RECQL5: variants seen among roughly 807,000 people sequenced by gnomAD.
RECQL5 encodes the protein ATP-dependent DNA helicase Q5.
RECQL5 carries 88 observed loss-of-function variants against 103.4 expected under a neutral mutation model. The ratio of observed to expected loss-of-function variants is 0.85; its 90% confidence interval spans 0.72 to 1.02. The LOEUF is 1.02. Ranked by LOEUF, RECQL5 falls within the 50% of genes least tolerant of loss-of-function variation. RECQL5 has a pLI of 0.00. For missense variants in RECQL5, 1,232 were observed against 1,284.3 expected (o/e 0.96, Z 0.62); for synonymous variants, 552 against 507.9 (o/e 1.09, Z -1.17).
rs752978198 is a variant in RECQL5 at position 75,630,970 on chromosome 17, T to C, written c.1585+4A>G. 2 of 1,613,746 alleles carry C rather than the reference T, an allele frequency of 1.2e-6. No individual in the cohort carries two copies. Among genetic ancestry groups the C allele is most frequent in the South Asian group, 1.1e-5 (1 of 91,004 alleles). On this transcript the variant is annotated splice_donor_region_variant and intron_variant, in intron 11 of 19. Coordinates refer to ENST00000317905, the MANE Select transcript of RECQL5 (RefSeq NM_004259.7). The stretch of plus-strand genomic sequence containing the variant: ...CAAGCCTCCAGGAACATTTCTGTAC[T>C]GACCTGGGGGTACAAATTCTTCTAT...
chr17:75,634,051 A>G (rs1225699097), intron 8 of RECQL5: 17 of 985,450 alleles, frequency 1.7e-5, no homozygotes, highest in Non-Finnish European at 1.9e-5. Flanking sequence ...AACAACAAAA[A>G]AGCCAGGCAG....
intron 12 of RECQL5, 37 bp from the exon 13 acceptor site, chr17:75,630,729 C>A (rs200544497): frequency 1.9e-6 from 3 of 1,601,572 alleles, no homozygotes; most frequent in East Asian, 2.3e-5. Context: ...CATGGCCTCG[C>A]GGCTGGGGGA....
chr17:75,633,492 G>A (rs760008329), intron 8 of RECQL5: 7 of 1,289,002 alleles, frequency 5.4e-6, no homozygotes, highest in Middle Eastern at 2.1e-4. Context: ...TGCCGGGCGC[G>A]CAGGCCACTC....
chr17:75,631,258 A>G lies in RECQL5; in HGVS notation c.1449-9T>C, dbSNP rs200517440. ...CAGAACCTTCGTCATACCTAGGGAC[A>G]GGCCAGGCGTGAGTGGCCCTGGCCT... On this transcript the variant is annotated splice_polypyrimidine_tract_variant and intron_variant, in intron 9 of 19. Transcript: ENST00000317905. 7 of 1,613,212 alleles carry G rather than the reference A, an allele frequency of 4.3e-6. No homozygotes were observed. The African/African-American group carries it at 6.7e-5, about 15-fold the overall frequency.
At chr17:75,648,339 A>T (rs572077916) in intron 8 of RECQL5, among the ~76,000 whole-genome samples, 1 of 151,962 alleles carries the variant, frequency 6.6e-6, no homozygotes, top group Admixed American at 6.6e-5. Flanking sequence ...TATACTCTCG[A>T]AACACCATTT....
At chr17:75,652,698 G>C (rs1384966540) in intron 7 of RECQL5, 1 of 152,484 alleles carries the variant, frequency 6.6e-6, no homozygotes, top group Non-Finnish European at 1.5e-5. Flanking sequence ...GAAGCGCTGA[G>C]GCCTGGCTCC....
intron 13 of RECQL5, 140 bp downstream of exon 13, chr17:75,630,479 T>C: frequency 1.0e-6 from 1 of 993,960 alleles, no homozygotes; most frequent in Non-Finnish European, 1.5e-6. Context: ...CCTGGTGGGG[T>C]TGTAGGGGCA....
In RECQL5 at chr17:75,630,847, G is replaced by A. The variant is rs770972526; in HGVS notation, c.1586-10C>T. ...AGGGGACAGTTCTCATCTGTGGGGGGGGGGGGTGGTCCTTGGTCCTTTCGC... is the reference window on the plus strand; with the variant it reads ...AGGGGACAGTTCTCATCTGTGGGGGAGGGGGGTGGTCCTTGGTCCTTTCGC... On this transcript the variant is annotated splice_polypyrimidine_tract_variant and intron_variant, in intron 11 of 19. Coordinates refer to ENST00000317905, the MANE Select transcript of RECQL5 (RefSeq NM_004259.7). The A allele has an allele frequency of 8.2e-6, 12 of 1,458,002 alleles. No individual in the cohort carries two copies. The Admixed American group carries it at 1.5e-4, about 18-fold the overall frequency. The allele number at this position is 1,458,002 out of a possible 1,614,324, so 90.3% of individuals were successfully genotyped here.
rs1289908864 is a variant in RECQL5 at position 75,665,096 on chromosome 17, G to C, written c.207C>G (p.Ala69=). 6.2e-7 allele frequency: 1 copy of C among 1,612,484 alleles called. No individual in the cohort carries two copies. Among genetic ancestry groups the C allele is most frequent in the South Asian group, 1.1e-5 (1 of 90,732 alleles). The change falls in exon 3 of 20, where the codon GCC becomes GCG. Residue 69 remains alanine, a synonymous_variant. Coordinates refer to ENST00000317905, the MANE Select transcript of RECQL5 (RefSeq NM_004259.7). ...SLCYQLPALL[A]KGITIVVSPL... ...GAGAGACTACAATGGTGATGCCTTT[G>C]GCCAACAGAGCAGGGAGCTGATAGC...
At chr17:75,644,828 C>CA (rs61339782) in intron 8 of RECQL5, among the ~76,000 whole-genome samples, 125,556 of 136,668 alleles carry the variant, frequency 0.92, 57,698 homozygotes, top group East Asian at 0.97. Flanking sequence ...GACTCTGCCT[C>CA]AAAAAAAAAA....
rs771692549 is a variant in RECQL5 at position 75,630,626 on chromosome 17, C to T, written c.1711G>A (p.Ala571Thr). The change falls in exon 13 of 20, where the codon GCT becomes ACT. Residue 571 changes from alanine (A) to threonine (T), a missense_variant. Physicochemically the swap from Ala to Thr is moderately conservative, Grantham distance 58. Coordinates refer to ENST00000317905, the MANE Select transcript of RECQL5 (RefSeq NM_004259.7). Reference sequence around the variant, plus strand: ...AGTGATCGTGGAACTCACTCATCAGCGGTACGTGTTGACTGGCGGTTGCTG... The same window carrying T: ...AGTGATCGTGGAACTCACTCATCAGTGGTACGTGTTGACTGGCGGTTGCTG... ...LSSNRQSTRT[A>T]DEADLRAKAV... 1.4e-5 allele frequency: 23 copies of T among 1,613,480 alleles called. 1 individual carries two copies. Among genetic ancestry groups the T allele is most frequent in the Admixed American group, 5.0e-5 (3 of 59,982 alleles).
Position 75,661,085 on chromosome 17 carries a change from T to C in RECQL5, c.875-19A>G, listed in dbSNP as rs1383180298. On this transcript the variant is annotated intron_variant, in intron 5 of 19. Transcript: ENST00000317905. ...TTCAGCCCTGTAAAGGAGGGGAAGATGGAGAAGGGAACTCACATTTCCCTT... is the reference window on the plus strand; with the variant it reads ...TTCAGCCCTGTAAAGGAGGGGAAGACGGAGAAGGGAACTCACATTTCCCTT... The C allele has an allele frequency of 6.3e-7, 1 of 1,592,932 alleles. No individual in the cohort carries two copies. The highest frequency in any genetic ancestry group is 8.6e-7 in the Non-Finnish European group (1 of 1,160,604).
At position 75,663,033 on chromosome 17, in the gene RECQL5, G is replaced by C. The variant is rs558281654; in HGVS notation, c.253-36C>G. 4 of 1,545,204 alleles carry C rather than the reference G, an allele frequency of 2.6e-6. No individual in the cohort carries two copies. In the East Asian group the frequency reaches 9.0e-5, roughly 35 times the overall value. On this transcript the variant is annotated intron_variant, in intron 3 of 19. Transcript: ENST00000317905. ...AGAAAGAGGCTGTAACTGGCCCTCAGGACTCAGGTAAACATCACTGCAAGT... is the reference window on the plus strand; with the variant it reads ...AGAAAGAGGCTGTAACTGGCCCTCACGACTCAGGTAAACATCACTGCAAGT...
chr17:75,665,481 A>G (rs1190040952), intron 2 of RECQL5, among the ~76,000 whole-genome samples: 2 of 151,956 alleles, frequency 1.3e-5, no homozygotes, highest in African/African-American at 4.8e-5. Flanking sequence ...CACGAGGGCA[A>G]GAGTTTGAGA....
chr17:75,649,067 A>C (rs1232292918), intron 8 of RECQL5: 1 of 152,170 alleles, frequency 6.6e-6, no homozygotes, highest in Admixed American at 6.6e-5. Flanking sequence ...GGCATCAGTC[A>C]ATATTTATCA....
chr17:75,648,559 G>C (rs776733809), intron 8 of RECQL5, among the ~76,000 whole-genome samples: 1 of 151,128 alleles, frequency 6.6e-6, no homozygotes, highest in Admixed American at 6.6e-5. Context: ...ATTTTTAGTA[G>C]AGATGGGGTT....
At chr17:75,647,634 C>T in intron 8 of RECQL5, 1 of 1,472,346 alleles carries the variant, frequency 6.8e-7, no homozygotes, top group Non-Finnish European at 9.2e-7. Context: ...CAGTGGTGGG[C>T]CCCTTCGCGG....
intron 16 of RECQL5, 47 bp from the exon 17 acceptor site, chr17:75,628,809 C>T (rs746508216): frequency 1.2e-6 from 2 of 1,604,640 alleles, no homozygotes; most frequent in South Asian, 1.1e-5. Context: ...CCTGGTGGCT[C>T]CCTCATCCCA....
In RECQL5 at chr17:75,628,276, G is replaced by T. The variant is rs757572489; in HGVS notation, c.2747C>A (p.Ala916Glu). The T allele has an allele frequency of 1.9e-6, 3 of 1,614,138 alleles. No homozygotes were observed. Among genetic ancestry groups the T allele is most frequent in the Non-Finnish European group, 2.5e-6 (3 of 1,180,022 alleles). ...GGTGAGGCACTTGACCACAACATTT[G>T]CAGCCTCCTTCAAGGAGACGCCAGG... ...SAPGVSLKEA[A>E]NVVVKCLTPF... is the part of the protein sequence containing the mutation. Residue 916 changes from alanine to glutamate, a missense_variant, in exon 18 of 20, where the codon GCA (alanine) becomes GAA (glutamate). Coordinates refer to ENST00000317905, the MANE Select transcript of RECQL5 (RefSeq NM_004259.7).
Sources: gnomAD v4.1 joint callset for allele counts (sites outside exome capture counted in the v4.1 genomes callset) on GRCh38, gnomAD v4.1.1 for gene constraint, MANE v1.5 for transcripts, NCBI Gene and HGNC (gene_info 2026-07-23, HGNC 2026-07-21) for gene names.